The following DGCR2 variants were observed in gnomAD, a reference collection of about 807,000 sequenced individuals.
DGCR2 encodes DiGeorge syndrome critical region gene 2.
DGCR2 carries 24 observed loss-of-function variants against 51.6 expected under a neutral mutation model. That is an observed-to-expected ratio of 0.47 (90% CI 0.34 to 0.65). DGCR2 has a LOEUF of 0.65. Among genes scored for constraint, DGCR2 ranks in the 30% least tolerant of loss-of-function variants. The pLI is 0.01. For missense variants in DGCR2, 765 were observed against 772.1 expected (o/e 0.99, Z 0.11); for synonymous variants, 340 against 315.4 (o/e 1.08, Z -0.82).
intron 7 of DGCR2, chr22:19,046,893 A>G: frequency 5.4e-6 from 1 of 186,312 alleles, no homozygotes; most frequent in South Asian, 6.9e-5. Context: ...CCTTGTACAC[A>G]TCTGGGCATT....
At chr22:19,042,924 C>T (rs2082449259) in intron 7 of DGCR2, among the ~76,000 whole-genome samples, 1 of 152,176 alleles carries the variant, frequency 6.6e-6, no homozygotes, top group Non-Finnish European at 1.5e-5. Flanking sequence ...CGCACCCAGC[C>T]CTGGCATACA....
In DGCR2 at chr22:19,038,566, C is replaced by T. The variant is rs1337563331; in HGVS notation, c.*299G>A. On this transcript the variant is annotated 3_prime_UTR_variant, in exon 10 of 10. Transcript: ENST00000263196. ...ATGGCCCACAGTACCTTCTTCATTC[C>T]CTGCCTCTAACATGTGCGGTCTGAA... The T allele has an allele frequency of 2.2e-6, 1 of 444,570 alleles. No individual in the cohort carries two copies. The highest frequency in any genetic ancestry group is 4.0e-6 in the Non-Finnish European group (1 of 248,992). The allele number at this position is 444,570 out of a possible 1,614,324, so 27.5% of individuals were successfully genotyped here.
chr22:19,065,048 C>G lies in DGCR2; in HGVS notation c.348G>C (p.Pro116=). ...VRFSSFLGKC[P]TGWHHYEGTA... ...TGCCTTCGTAGTGGTGCCACCCTGTCGGGCACTTCCCTAGGAAACATAAAG... is the reference window on the plus strand; with the variant it reads ...TGCCTTCGTAGTGGTGCCACCCTGTGGGGCACTTCCCTAGGAAACATAAAG... The change falls in exon 4 of 10, where the codon CCG becomes CCC. Residue 116 remains proline, a synonymous_variant. Coordinates refer to ENST00000263196, the MANE Select transcript of DGCR2 (RefSeq NM_005137.3). The G allele has an allele frequency of 6.2e-7, 1 of 1,613,892 alleles. No homozygotes were observed. The highest frequency in any genetic ancestry group is 2.2e-5 in the East Asian group (1 of 44,870).
At chr22:19,085,383 G>C (rs73158833) in intron 2 of DGCR2, among the ~76,000 whole-genome samples, 13,742 of 152,260 alleles carry the variant, frequency 0.09, 726 homozygotes, top group Middle Eastern at 0.15. Context: ...CTGGCCAGTG[G>C]GGGAAGGCAG....
chr22:19,119,279 T>C (rs536119001), intron 1 of DGCR2, among the ~76,000 whole-genome samples: 1 of 152,270 alleles, frequency 6.6e-6, no homozygotes, highest in South Asian at 2.1e-4. Context: ...CGATGAAATC[T>C]CATCTCAGCC....
chr22:19,105,979 C>T (rs1017096644), intron 1 of DGCR2, among the ~76,000 whole-genome samples: 3 of 152,092 alleles, frequency 2.0e-5, no homozygotes, highest in African/African-American at 7.2e-5. Context: ...CCTTCCCCAT[C>T]GCTGCCACTG....
chr22:19,094,037 A>G (rs1459301014), intron 1 of DGCR2, among the ~76,000 whole-genome samples: 1 of 152,206 alleles, frequency 6.6e-6, no homozygotes, highest in African/African-American at 2.4e-5. Context: ...AATAGGCAAA[A>G]GATCTTAATG....
chr22:19,055,236 AT>A (rs1337958274), intron 6 of DGCR2, among the ~76,000 whole-genome samples: 3 of 152,152 alleles, frequency 2.0e-5, no homozygotes, highest in Non-Finnish European at 2.9e-5. Context: ...TTTATATGAA[AT>A]AATGACTGAA....
intron 1 of DGCR2, among the ~76,000 whole-genome samples, chr22:19,119,928 C>T (rs899350111): frequency 1.3e-5 from 2 of 151,960 alleles, no homozygotes; most frequent in African/African-American, 2.4e-5. Context: ...TGACTGATAC[C>T]TTCCTCATAC....
chr22:19,044,565 C>T (rs1425396598), intron 7 of DGCR2, among the ~76,000 whole-genome samples: 1 of 152,212 alleles, frequency 6.6e-6, no homozygotes, highest in African/African-American at 2.4e-5. Context: ...GGAACCTCAT[C>T]GTATCAGGGC....
rs572013057 is a variant in DGCR2 at position 19,076,256 on chromosome 22, G to C, written c.203-8031C>G. Among the ~76,000 whole-genome samples the C allele has an allele frequency of 4.7e-3, 701 of 149,076 alleles. 2 individuals carry two copies. Among genetic ancestry groups the C allele is most frequent in the African/African-American group, 0.017 (668 of 38,494 alleles). ...GCTCACTGCAACTTTCGCCTCCTGG[G>C]TTCAAGTGATTCTCCTGCCTCAGCC... On this transcript the variant is annotated intron_variant, in intron 2 of 9. Transcript: ENST00000263196.
At chr22:19,104,226 G>A (rs1312094140) in intron 1 of DGCR2, among the ~76,000 whole-genome samples, 1 of 152,128 alleles carries the variant, frequency 6.6e-6, no homozygotes, top group African/African-American at 2.4e-5. Context: ...GGAACCCCCA[G>A]AGACCCCTGG....
chr22:19,066,867 C>A (rs1052468907), intron 3 of DGCR2, among the ~76,000 whole-genome samples: 1 of 152,210 alleles, frequency 6.6e-6, no homozygotes, highest in Non-Finnish European at 1.5e-5. Flanking sequence ...GCATCAGGAC[C>A]CCCTGGGGCT....
At chr22:19,110,764 CATGACTTTAAAAGCTGT>C (rs1248272219) in intron 1 of DGCR2, among the ~76,000 whole-genome samples, 1 of 152,186 alleles carries the variant, frequency 6.6e-6, no homozygotes, top group Admixed American at 6.5e-5. Context: ...ATACCCACTC[CATGACTTTAAAAGCTGT>C]GTGACTTTGG....
At position 19,074,368 on chromosome 22, in the gene DGCR2, C is replaced by T. The variant is rs1013310771; in HGVS notation, c.203-6143G>A. Among the ~76,000 whole-genome samples the T allele has an allele frequency of 8.4e-4, 125 of 149,316 alleles. 1 individual carries two copies. Among genetic ancestry groups the T allele is most frequent in the African/African-American group, 3.0e-3 (120 of 40,204 alleles). On this transcript the variant is annotated intron_variant, in intron 2 of 9. Transcript: ENST00000263196. ...TTGAGCCTAGGAGGTTGCAGTGAGC[C>T]GAGATCGCGCCACTCCACTCCAGCC...
intron 1 of DGCR2, among the ~76,000 whole-genome samples, chr22:19,112,521 A>G (rs1469054425): frequency 1.4e-5 from 2 of 144,316 alleles, no homozygotes; most frequent in Non-Finnish European, 3.1e-5. Flanking sequence ...AGCTCACCAT[A>G]ACCTCTGCTC....
At chr22:19,107,964 G>A (rs1044736469) in intron 1 of DGCR2, among the ~76,000 whole-genome samples, 3 of 152,180 alleles carry the variant, frequency 2.0e-5, no homozygotes, top group African/African-American at 7.2e-5. Context: ...CATGTGCCAG[G>A]CAGTATATCA....
chr22:19,044,163 C>T (rs71328285), intron 7 of DGCR2, among the ~76,000 whole-genome samples: 8 of 152,146 alleles, frequency 5.3e-5, no homozygotes, highest in Non-Finnish European at 1.0e-4. Context: ...AGGTGGGGAC[C>T]GGAAATAATC....
intron 2 of DGCR2, among the ~76,000 whole-genome samples, chr22:19,073,718 C>T (rs1211280184): frequency 1.3e-5 from 2 of 152,208 alleles, no homozygotes; most frequent in African/African-American, 4.8e-5. Context: ...ACCAGCCAAA[C>T]TTATGTGCAA....
Sources: allele counts gnomAD v4.1 joint callset (sites outside exome capture counted in the v4.1 genomes callset), GRCh38; gene constraint gnomAD v4.1.1; transcripts MANE v1.5; gene names NCBI Gene and HGNC (gene_info 2026-07-23, HGNC 2026-07-21).